Variants in MED27 observed in about 807,000 individuals in gnomAD.
MED27 encodes the protein mediator of RNA polymerase II transcription subunit 27.
A neutral mutation model predicts 38.2 loss-of-function variants in MED27; 30 were observed. That is an observed-to-expected ratio of 0.79 (90% CI 0.59 to 1.07). The LOEUF is 1.07. Among genes scored for constraint, MED27 ranks in the 50% least tolerant of loss-of-function variants. The probability of loss-of-function intolerance (pLI) is 0.00; values close to 1 mark genes in which losing one functional copy is unlikely to be tolerated. For missense variants in MED27, 289 were observed against 397.5 expected (o/e 0.73, Z 2.32); for synonymous variants, 122 against 153.5 (o/e 0.79, Z 1.52).
intron 3 of MED27, among the ~76,000 whole-genome samples, chr9:131,991,201 A>G (rs894532492): frequency 6.6e-6 from 1 of 152,218 alleles, no homozygotes; most frequent in Non-Finnish European, 1.5e-5. Flanking sequence ...CGTTTCAAAA[A>G]ATGCAAGTGC....
At chr9:131,936,900 G>A (rs1830696064) in intron 4 of MED27, among the ~76,000 whole-genome samples, 1 of 152,222 alleles carries the variant, frequency 6.6e-6, no homozygotes, top group Admixed American at 6.5e-5. Flanking sequence ...GGAGGTAAAG[G>A]AAGGTGTCAG....
chr9:132,064,453 A>T (rs1307190479), intron 2 of MED27, among the ~76,000 whole-genome samples: 1 of 152,244 alleles, frequency 6.6e-6, no homozygotes, highest in African/African-American at 2.4e-5. Flanking sequence ...CATGATAGAA[A>T]CAGACCAACT....
chr9:131,870,740 G>A (rs952340640), intron 6 of MED27, among the ~76,000 whole-genome samples: 3 of 152,122 alleles, frequency 2.0e-5, no homozygotes, highest in African/African-American at 7.2e-5. Context: ...GGGTGGAGAT[G>A]GGATTGGATA....
At chr9:132,062,772 C>G (rs367709022) in intron 2 of MED27, among the ~76,000 whole-genome samples, 1 of 152,020 alleles carries the variant, frequency 6.6e-6, no homozygotes, top group Non-Finnish European at 1.5e-5. Flanking sequence ...TTATCACATA[C>G]CACCACACTT....
At chr9:131,884,755 G>GT (rs910982596) in intron 5 of MED27, among the ~76,000 whole-genome samples, 103 of 151,818 alleles carry the variant, frequency 6.8e-4, no homozygotes, top group Admixed American at 1.2e-3. Flanking sequence ...CTATAGGCGT[G>GT]TGTCACCATG....
At chr9:132,040,059 T>C (rs944896281) in intron 2 of MED27, among the ~76,000 whole-genome samples, 1 of 152,156 alleles carries the variant, frequency 6.6e-6, no homozygotes, top group Non-Finnish European at 1.5e-5. Flanking sequence ...CTTTACGATA[T>C]GATAAATTTC....
intron 4 of MED27, among the ~76,000 whole-genome samples, chr9:131,916,788 A>G (rs1198726757): frequency 1.3e-5 from 2 of 152,182 alleles, no homozygotes; most frequent in African/African-American, 4.8e-5. Context: ...ACAGCAATAT[A>G]TGATACTGTA....
intron 3 of MED27, among the ~76,000 whole-genome samples, chr9:132,000,237 T>TAA (rs1245837974): frequency 2.0e-5 from 3 of 151,886 alleles, no homozygotes; most frequent in East Asian, 3.9e-4. Flanking sequence ...GGATGGCAAA[T>TAA]AAGCACATGA....
At chr9:132,032,991 AT>A (rs1832995808) in intron 2 of MED27, among the ~76,000 whole-genome samples, 4 of 152,276 alleles carry the variant, frequency 2.6e-5, no homozygotes. Context: ...AGGTAGCAAC[AT>A]TTTTTCTTAT....
At chr9:131,867,229 G>A (rs959628395) in intron 6 of MED27, among the ~76,000 whole-genome samples, 1 of 152,168 alleles carries the variant, frequency 6.6e-6, no homozygotes, top group Non-Finnish European at 1.5e-5. Context: ...GAGGTGGGTG[G>A]AGCCAGGGGC....
intron 4 of MED27, among the ~76,000 whole-genome samples, chr9:131,908,704 T>C (rs1830129501): frequency 6.6e-6 from 1 of 151,968 alleles, no homozygotes; most frequent in African/African-American, 2.4e-5. Context: ...TCATCACCAC[T>C]CCCTAATCTC....
chr9:132,077,415 T>C (rs376919651), intron 2 of MED27, 27 bp downstream of exon 2: 10 of 1,604,838 alleles, frequency 6.2e-6, no homozygotes, highest in Non-Finnish European at 8.5e-6. Context: ...TTCCATATAT[T>C]AGCTCCGTTT....
intron 4 of MED27, among the ~76,000 whole-genome samples, chr9:131,903,948 G>C (rs1448603604): frequency 7.3e-5 from 11 of 151,102 alleles, no homozygotes; most frequent in Admixed American, 7.2e-4. Context: ...ACCTAGGCTG[G>C]AGTGCGGTGG....
At chr9:132,053,819 C>T (rs1458843228) in intron 2 of MED27, among the ~76,000 whole-genome samples, 1 of 152,040 alleles carries the variant, frequency 6.6e-6, no homozygotes, top group African/African-American at 2.4e-5. Context: ...CTGGTGAGTA[C>T]CAGGTGATTC....
chr9:132,069,615 A>T (rs150965087), intron 2 of MED27, among the ~76,000 whole-genome samples: 1 of 152,352 alleles, frequency 6.6e-6, no homozygotes, highest in East Asian at 1.9e-4. Context: ...GGCTGTGTGT[A>T]CTTCAGAAAC....
At position 131,903,655 on chromosome 9, in the gene MED27, G is replaced by A. The variant is rs73551497; in HGVS notation, c.574-9663C>T. On this transcript the variant is annotated intron_variant, in intron 4 of 7. Transcript: ENST00000292035. ...GACTGCACAGCTGATGCTATTGAGC[G>A]TCCACGAGAGCTACTATTGGACACT... Among the ~76,000 whole-genome samples, 306 of 152,274 alleles carry A rather than the reference G, an allele frequency of 2.0e-3. 1 individual carries two copies. Among genetic ancestry groups the A allele is most frequent in the African/African-American group, 6.8e-3 (282 of 41,534 alleles).
rs758742286 is a variant in MED27, at chr9:131,970,283, C to T, written c.480-30809G>A. 9.3e-4 allele frequency among the ~76,000 whole-genome samples: 142 copies of T among 152,220 alleles called. 2 individuals carry two copies. Among genetic ancestry groups the T allele is most frequent in the Admixed American group, 3.7e-3 (56 of 15,288 alleles). On this transcript the variant is annotated intron_variant, in intron 3 of 7. Coordinates refer to ENST00000292035, the MANE Select transcript of MED27 (RefSeq NM_004269.4). Reference sequence around the variant, plus strand: ...ACTCAAACAAAGCCGGCGGGACGCCCGGAGTGGAAGGAGGGTGGGCTGTCC... The same window carrying T: ...ACTCAAACAAAGCCGGCGGGACGCCTGGAGTGGAAGGAGGGTGGGCTGTCC...
intron 1 of MED27, among the ~76,000 whole-genome samples, chr9:132,078,532 G>C (rs993964678): frequency 2.6e-5 from 4 of 152,072 alleles, no homozygotes; most frequent in African/African-American, 9.7e-5. Context: ...AACAGCAAGC[G>C]GATGTGGGCG....
At chr9:132,004,258 C>T (rs556725739) in intron 3 of MED27, among the ~76,000 whole-genome samples, 76 of 152,276 alleles carry the variant, frequency 5.0e-4, no homozygotes, top group Admixed American at 1.0e-3. Context: ...TGAAGCATAA[C>T]GACAGAGAGC....
Sources: gnomAD v4.1 joint callset for allele counts (sites outside exome capture counted in the v4.1 genomes callset) on GRCh38, gnomAD v4.1.1 for gene constraint, MANE v1.5 for transcripts, NCBI Gene and HGNC (gene_info 2026-07-23, HGNC 2026-07-21) for gene names.